Variants in TRIM37 observed in about 807,000 individuals in gnomAD.
The protein encoded by TRIM37 is E3 ubiquitin-protein ligase TRIM37.
Under a neutral mutation model 129.8 loss-of-function variants are expected in TRIM37, and 80 were observed. That is an observed-to-expected ratio of 0.62 (90% CI 0.51 to 0.74). TRIM37 has a LOEUF of 0.74. Among genes scored for constraint, TRIM37 ranks in the 30% least tolerant of loss-of-function variants. The pLI, the probability that TRIM37 is intolerant of heterozygous loss-of-function variation, is 0.00. For synonymous variants in TRIM37, 389 were observed against 387.1 expected, an observed-to-expected ratio of 1.00 and a Z score of -0.06; for missense variants, 1,054 against 1,176.5, an observed-to-expected ratio of 0.90 and a Z score of 1.52.
chr17:59,028,503 T>A lies in TRIM37; in HGVS notation c.2169A>T (p.Ala723=). 12 of 1,614,220 alleles carry A rather than the reference T, an allele frequency of 7.4e-6. No individual in the cohort carries two copies. The highest frequency in any genetic ancestry group is 2.2e-5 in the South Asian group (2 of 91,082). Residue 723 remains alanine (A), a synonymous_variant, in exon 19 of 24, where the codon GCA becomes GCT. Coordinates refer to ENST00000262294, the MANE Select transcript of TRIM37 (RefSeq NM_015294.6). ...ATCTGCCAGAGTTTTCAGTTCCACATGCAGCCAGAGCTGCCTGGTCAGCAG... is the reference window on the plus strand; with the variant it reads ...ATCTGCCAGAGTTTTCAGTTCCACAAGCAGCCAGAGCTGCCTGGTCAGCAG... The part of the protein sequence containing the change: ...LFSADQAALA[A]CGTENSGRLQ...
chr17:59,058,423 C>T (rs910826188), intron 12 of TRIM37, among the ~76,000 whole-genome samples: 2 of 152,164 alleles, frequency 1.3e-5, no homozygotes, highest in African/African-American at 4.8e-5. Context: ...GAAAAGATAA[C>T]TATTGGGTAC....
chr17:58,987,941 A>C (rs2031971101), intron 24 of TRIM37, among the ~76,000 whole-genome samples: 1 of 152,230 alleles, frequency 6.6e-6, no homozygotes, highest in South Asian at 2.1e-4. Flanking sequence ...GGGTAGAAGG[A>C]GCATTTCTTC....
At chr17:59,054,110 A>G (rs1375708334) in intron 13 of TRIM37, among the ~76,000 whole-genome samples, 1 of 152,202 alleles carries the variant, frequency 6.6e-6, no homozygotes. Flanking sequence ...GAATAAGGGA[A>G]ATTCAGGAGT....
At chr17:58,987,970 G>A (rs145280660) in intron 24 of TRIM37, among the ~76,000 whole-genome samples, 3 of 152,300 alleles carry the variant, frequency 2.0e-5, no homozygotes, top group Admixed American at 6.5e-5. Context: ...CAATGCAAAC[G>A]AGCCAGATGA....
rs181182845 is a variant in TRIM37 at position 59,098,619 on chromosome 17, T to C, written c.123+5674A>G. ...GATTGAGGCTGCAGTGAGCCATGAT[T>C]GTGTCACTGTGCTCCAACGTGGGCA... On this transcript the variant is annotated intron_variant, in intron 2 of 23. Coordinates refer to ENST00000262294, the MANE Select transcript of TRIM37 (RefSeq NM_015294.6). 3.3e-5 allele frequency among the ~76,000 whole-genome samples: 5 copies of C among 150,444 alleles called. No homozygotes were observed. The Admixed American group carries it at 3.3e-4, about 10-fold the overall frequency.
At chr17:59,071,368 C>G (rs575421326) in intron 8 of TRIM37, among the ~76,000 whole-genome samples, 71 of 151,274 alleles carry the variant, frequency 4.7e-4, no homozygotes, top group African/African-American at 1.7e-3. Flanking sequence ...TCACTGCAAC[C>G]TCCGCCTCCT....
At chr17:58,982,030 T>C (rs1396196465), downstream of TRIM37, 1 of 152,638 alleles carries the variant, frequency 6.6e-6, no homozygotes, top group East Asian at 1.9e-4. Flanking sequence ...ACTTTTATCT[T>C]CTCTAAAATT....
At chr17:59,027,574 A>G (rs894412322) in intron 19 of TRIM37, among the ~76,000 whole-genome samples, 24 of 152,326 alleles carry the variant, frequency 1.6e-4, no homozygotes, top group African/African-American at 4.3e-4. Flanking sequence ...AAATGCCATC[A>G]TATTTCACAC....
At chr17:59,084,798 C>T (rs1455613933) in intron 4 of TRIM37, among the ~76,000 whole-genome samples, 1 of 152,126 alleles carries the variant, frequency 6.6e-6, no homozygotes, top group East Asian at 1.9e-4. Context: ...CAGGCATGCA[C>T]GTGCACATAG....
intron 7 of TRIM37, among the ~76,000 whole-genome samples, chr17:59,079,408 G>C (rs1169653903): frequency 6.6e-6 from 1 of 152,178 alleles, no homozygotes; most frequent in Non-Finnish European, 1.5e-5. Flanking sequence ...ACAAATGTCA[G>C]TTTCTTCATC....
intron 4 of TRIM37, among the ~76,000 whole-genome samples, chr17:59,086,203 T>C (rs924337352): frequency 1.3e-5 from 2 of 152,108 alleles, no homozygotes; most frequent in Non-Finnish European, 2.9e-5. Flanking sequence ...ATGTTTTAAG[T>C]ATTCTCTTGT....
At position 58,990,690 on chromosome 17, in the gene TRIM37, G is replaced by C. The variant is rs138427888; in HGVS notation, c.2892-7769C>G. ...CCTGTAATCCCAGCTACTCAGGAGG[G>C]TGAGGCAGGAGAATCACTTGAACCC... On this transcript the variant is annotated intron_variant, in intron 24 of 24. Coordinates refer to the TRIM37 transcript ENST00000393066. 2.9e-3 allele frequency among the ~76,000 whole-genome samples: 432 copies of C among 149,148 alleles called. 3 individuals are homozygous for C. The highest frequency in any genetic ancestry group is 0.01 in the African/African-American group (416 of 40,428).
At chr17:58,992,253 AT>A (rs1462729731) in intron 24 of TRIM37, among the ~76,000 whole-genome samples, 4 of 145,666 alleles carry the variant, frequency 2.7e-5, no homozygotes, top group Admixed American at 7.0e-5. Flanking sequence ...ACTGATATAT[AT>A]ATATATAAAT....
At chr17:59,015,847 T>G in intron 20 of TRIM37, 48 bp from the exon 21 acceptor site, 2 of 1,577,654 alleles carry the variant, frequency 1.3e-6, no homozygotes, top group Admixed American at 1.7e-5. Flanking sequence ...GGCATGGTGG[T>G]GTGCGCCTGT....
exon 25 of TRIM37, chr17:58,982,915 A>G: frequency 6.3e-7 from 1 of 1,576,666 alleles, no homozygotes; most frequent in Non-Finnish European, 8.6e-7. Flanking sequence ...GTTTCAAATC[A>G]AATTATCTAA....
intron 16 of TRIM37, among the ~76,000 whole-genome samples, chr17:59,043,367 A>G (rs1236356710): frequency 6.6e-6 from 1 of 152,138 alleles, no homozygotes; most frequent in African/African-American, 2.4e-5. Context: ...AAATGAAGAA[A>G]CATCTACTCA....
intron 10 of TRIM37, 59 bp downstream of exon 10, chr17:59,064,296 C>T (rs986869412): frequency 3.0e-6 from 4 of 1,322,130 alleles, no homozygotes; most frequent in Non-Finnish European, 4.3e-6. Context: ...CAAAGAATAC[C>T]TTTCTGGCTC....
chr17:59,049,353 T>C lies in TRIM37; in HGVS notation c.1355A>G (p.Asp452Gly), dbSNP rs1384533289. The C allele has an allele frequency of 6.2e-7, 1 of 1,614,154 alleles. No individual in the cohort carries two copies. Among genetic ancestry groups the C allele is most frequent in the East Asian group, 2.2e-5 (1 of 44,876 alleles). The change falls in exon 15 of 24, where the codon GAT (aspartate) becomes GGT (glycine). Residue 452 changes from aspartate (D) to glycine (G), a missense_variant. Asp to Gly is a moderately conservative substitution (Grantham distance 94, BLOSUM62 -1). Around this residue, in one of 3 missense-constraint regions of TRIM37, gnomAD observed 752 missense variants for 870.8 expected, o/e 0.86. Transcript: ENST00000262294. ...IELSRTQKSRDLSPPDNHLSP... is the reference protein window; with the variant it reads ...IELSRTQKSRGLSPPDNHLSP... ...AAGATGGTTATCTGGTGGTGACAAA[T>C]CTCTTGACTTCTGAGTTCGAGACAG... is the stretch of plus-strand genomic sequence containing the variant.
intron 19 of TRIM37, among the ~76,000 whole-genome samples, chr17:59,017,714 T>A (rs1326538523): frequency 6.6e-6 from 1 of 151,944 alleles, no homozygotes; most frequent in Non-Finnish European, 1.5e-5. Flanking sequence ...AACCTCCACC[T>A]CCTGGGTTCA....
Sources: gnomAD v4.1 joint callset for allele counts (sites outside exome capture counted in the v4.1 genomes callset) on GRCh38, gnomAD v4.1.1 for gene constraint, gnomAD v4.1.1 regional missense constraint, MANE v1.5 for transcripts, NCBI Gene and HGNC (gene_info 2026-07-23, HGNC 2026-07-21) for gene names.